PACSIN3: variants seen among roughly 807,000 people sequenced by gnomAD.
The protein encoded by PACSIN3 is protein kinase C and casein kinase substrate in neurons protein 3.
Under a neutral mutation model 56.1 loss-of-function variants are expected in PACSIN3, and 34 were observed. The ratio of observed to expected loss-of-function variants is 0.61; its 90% confidence interval spans 0.46 to 0.81. The LOEUF (loss-of-function observed/expected upper bound fraction) is 0.81, where lower values mean the gene tolerates loss of function less well. Ranked by LOEUF, PACSIN3 falls within the 30% of genes least tolerant of loss-of-function variation. The pLI, the probability that PACSIN3 is intolerant of heterozygous loss-of-function variation, is 0.00. For synonymous variants in PACSIN3, 218 were observed against 229.8 expected, an observed-to-expected ratio of 0.95 and a Z score of 0.46; for missense variants, 535 against 592.4, an observed-to-expected ratio of 0.90 and a Z score of 1.01.
Position 47,178,351 on chromosome 11 carries a change from G to A in PACSIN3, c.1159+15C>T, listed in dbSNP as rs190580930. 38 of 1,612,916 alleles carry A rather than the reference G, an allele frequency of 2.4e-5. No individual in the cohort carries two copies. The East Asian group carries it at 7.6e-4, about 32-fold the overall frequency. On this transcript the variant is annotated intron_variant, in intron 10 of 10. Transcript: ENST00000298838. This position sits in a 1 kb window ranked among gnomAD's most constrained non-coding sequence, Gnocchi z 4.2. ...TAAGGCAGAGGCTGAAGCTAGGAAA[G>A]GGGTCCCAGGGTACCTGCTCGGAAG...
rs867027005 is a variant in PACSIN3, at chr11:47,178,352, G to C, written c.1159+14C>G. 1.9e-6 allele frequency: 3 copies of C among 1,613,078 alleles called. No homozygotes were observed. The Middle Eastern group carries it at 5.0e-4, about 266-fold the overall frequency. On this transcript the variant is annotated intron_variant, in intron 10 of 10. Coordinates refer to ENST00000298838, the MANE Select transcript of PACSIN3 (RefSeq NM_016223.5). This position sits in a 1 kb window ranked among gnomAD's most constrained non-coding sequence, Gnocchi z 4.2. ...AAGGCAGAGGCTGAAGCTAGGAAAG[G>C]GGTCCCAGGGTACCTGCTCGGAAGC...
rs773989787 is a variant in PACSIN3 at position 47,179,733 on chromosome 11, G to A, written c.604-147C>T. On this transcript the variant is annotated intron_variant, in intron 6 of 10. Transcript: ENST00000298838. This position sits in a 1 kb window ranked among gnomAD's most constrained non-coding sequence, Gnocchi z 4.4. Reference sequence around the variant, plus strand: ...CCCAAGACCCAGCTCCTGCCCTCAAGGACCCCAGCAGCCTAACAAGGGAGG... The same window carrying A: ...CCCAAGACCCAGCTCCTGCCCTCAAAGACCCCAGCAGCCTAACAAGGGAGG... The A allele has an allele frequency of 4.4e-5, 30 of 677,888 alleles. No homozygotes were observed. The African/African-American group carries it at 5.4e-4, about 12-fold the overall frequency. 42.0% of individuals were successfully genotyped at this position (677,888 alleles called of 1,614,324 possible).
intron 6 of PACSIN3, 127 bp downstream of exon 6, chr11:47,180,059 G>A: frequency 1.2e-6 from 1 of 827,964 alleles, no homozygotes; most frequent in South Asian, 1.6e-5. Context: ...ATCATCTGGA[G>A]AGAGGGTGGC....
In PACSIN3 at chr11:47,177,985, C is replaced by G; in HGVS notation, c.1221G>C (p.Gln407His). 1 of 1,614,144 alleles carries G rather than the reference C, an allele frequency of 6.2e-7. No homozygotes were observed. Among genetic ancestry groups the G allele is most frequent in the Non-Finnish European group, 8.5e-7 (1 of 1,180,008 alleles). Reference protein sequence around the residue: ...DEQGWCQGQLQSGRIGLYPAN... With the variant: ...DEQGWCQGQLHSGRIGLYPAN... The stretch of plus-strand genomic sequence containing the variant: ...CAGGGTACAGGCCAATGCGGCCACT[C>G]TGCAACTGGCCTTGGCACCAGCCCT... Residue 407 changes from glutamine to histidine, a missense_variant, in exon 11 of 11, where the codon CAG (glutamine) becomes CAC (histidine). Coordinates refer to ENST00000298838, the MANE Select transcript of PACSIN3 (RefSeq NM_016223.5).
At position 47,186,104 on chromosome 11, in the gene PACSIN3, C is replaced by A. The variant is rs892783794; in HGVS notation, c.-104+245G>T. Among the ~76,000 whole-genome samples the A allele has an allele frequency of 1.3e-5, 2 of 152,004 alleles. No homozygotes were observed. The highest frequency in any genetic ancestry group is 2.9e-5 in the Non-Finnish European group (2 of 67,936). ...CGAGGGGCCCCTGAAGACGGCTCAG[C>A]CCTCCAGCGCCGGCGCCGCCTCCCC... On this transcript the variant is annotated intron_variant, in intron 1 of 10. Coordinates refer to ENST00000298838, the MANE Select transcript of PACSIN3 (RefSeq NM_016223.5). The surrounding 1 kb of genome is among the most constrained non-coding windows in gnomAD (Gnocchi z 4.5).
In PACSIN3 at chr11:47,178,245, TG is replaced by T. The variant is rs1442738485; in HGVS notation, c.1159+120del. 10 of 1,400,448 alleles carry T rather than the reference TG, an allele frequency of 7.1e-6. No homozygotes were observed. The highest frequency in any genetic ancestry group is 9.9e-6 in the Non-Finnish European group (10 of 1,013,878). 86.8% of individuals were successfully genotyped at this position (1,400,448 alleles called of 1,614,324 possible). On this transcript the variant is annotated intron_variant, in intron 10 of 10. Transcript: ENST00000298838. This position sits in a 1 kb window ranked among gnomAD's most constrained non-coding sequence, Gnocchi z 4.2. ...CCACCAGGCACCAGCTATCTGGACC[TG>T]GAACAGCTGAAGGGACAGAGGACTG...
Position 47,180,275 on chromosome 11 carries a change from TC to T in PACSIN3, c.513del (p.Ser172AlafsTer123). 1 of 1,603,414 alleles carries T rather than the reference TC, an allele frequency of 6.2e-7. No individual in the cohort carries two copies. The highest frequency in any genetic ancestry group is 8.5e-7 in the Non-Finnish European group (1 of 1,179,958). ...ACGGCGCTGTCTGCCTTTGCGTGGC[TC>T]TCCCTCGTCTGGGCGGTCTTCTCAT... is the stretch of plus-strand genomic sequence containing the variant. ...RKDEKTAQTR[E>X]SHAKADSAVS... On this transcript the variant is annotated frameshift_variant, in exon 6 of 11. Coordinates refer to ENST00000298838, the MANE Select transcript of PACSIN3 (RefSeq NM_016223.5). LOFTEE classifies it high-confidence loss of function.
Position 47,179,056 on chromosome 11 carries a change from G to A in PACSIN3, c.901-26C>T. ...CTGTGGGGACAGTGCTTATAGTCAG[G>A]TGGGGCCATCTGAACCACCTTCACT... is the stretch of plus-strand genomic sequence containing the variant. On this transcript the variant is annotated intron_variant, in intron 8 of 10. Coordinates refer to ENST00000298838, the MANE Select transcript of PACSIN3 (RefSeq NM_016223.5). This position sits in a 1 kb window ranked among gnomAD's most constrained non-coding sequence, Gnocchi z 4.4. 1 of 1,614,100 alleles carries A rather than the reference G, an allele frequency of 6.2e-7. No individual in the cohort carries two copies. Among genetic ancestry groups the A allele is most frequent in the Non-Finnish European group, 8.5e-7 (1 of 1,180,010 alleles).
intron 1 of PACSIN3, chr11:47,185,304 C>A (rs1017674243): frequency 6.6e-6 from 1 of 152,554 alleles, no homozygotes; most frequent in Non-Finnish European, 1.5e-5. Flanking sequence ...CCAGCCCCAA[C>A]CTCTTCCAGA....
At position 47,180,170 on chromosome 11, in the gene PACSIN3, G is replaced by T; in HGVS notation, c.603+16C>A. 1 of 1,599,590 alleles carries T rather than the reference G, an allele frequency of 6.3e-7. No homozygotes were observed. The stretch of plus-strand genomic sequence containing the variant: ...TGCCCTGGGCGGGGGCCAGGGCTGG[G>T]ACCTGTGGCCTGTACCTTCTCGGCC... On this transcript the variant is annotated intron_variant, in intron 6 of 10. Coordinates refer to ENST00000298838, the MANE Select transcript of PACSIN3 (RefSeq NM_016223.5).
At chr11:47,180,112 A>G in intron 6 of PACSIN3, 74 bp downstream of exon 6, 1 of 1,388,634 alleles carries the variant, frequency 7.2e-7, no homozygotes, top group Non-Finnish European at 1.0e-6. Flanking sequence ...ACTGGACAAG[A>G]TGTTCAGGGA....
At chr11:47,180,747 C>A in intron 4 of PACSIN3, 57 bp from the exon 5 acceptor site, 4 of 1,420,496 alleles carry the variant, frequency 2.8e-6, no homozygotes, top group South Asian at 1.3e-5. Context: ...ATGAGCCTAG[C>A]CCCTCTCACT....
Position 47,180,530 on chromosome 11 carries a change from G to A in PACSIN3, c.372C>T (p.Gly124=), listed in dbSNP as rs766934414. 2.4e-5 allele frequency: 39 copies of A among 1,603,976 alleles called. No individual in the cohort carries two copies. Among genetic ancestry groups the A allele is most frequent in the Admixed American group, 1.3e-4 (8 of 59,974 alleles). ...QRGAFHRPVL[G]GFRESRAAED... is the part of the protein sequence containing the mutation. The stretch of plus-strand genomic sequence containing the variant: ...CGGCCGCCCGGCTCTCGCGGAAGCC[G>A]CCCAGCACAGGCCGGTGGAAAGCCC... Residue 124 remains glycine (G), a synonymous_variant, in exon 5 of 11, where the codon GGC becomes GGT. Coordinates refer to ENST00000298838, the MANE Select transcript of PACSIN3 (RefSeq NM_016223.5).
In PACSIN3 at chr11:47,178,387, C is replaced by G; in HGVS notation, c.1138G>C (p.Asp380His). 6.2e-7 allele frequency: 1 copy of G among 1,614,070 alleles called. No individual in the cohort carries two copies. Among genetic ancestry groups the G allele is most frequent in the Non-Finnish European group, 8.5e-7 (1 of 1,180,018 alleles). ...ALYDYAGQEADELSFRAGEEL... is the reference protein window; with the variant it reads ...ALYDYAGQEAHELSFRAGEEL... ...GTACCTGCTCGGAAGCTCAGCTCAT[C>G]AGCTTCCTGGCCAGCGTAGTCATAG... Residue 380 changes from aspartate to histidine, a missense_variant, in exon 10 of 11, where the codon GAT becomes CAT. By Grantham distance (81) the Asp-to-His change is moderately conservative (BLOSUM62 -1). Transcript: ENST00000298838. This position sits in a 1 kb window ranked among gnomAD's most constrained non-coding sequence, Gnocchi z 4.2.
At chr11:47,184,240 G>C (rs962451469) in intron 1 of PACSIN3, 3 of 152,422 alleles carry the variant, frequency 2.0e-5, no homozygotes, top group Non-Finnish European at 2.9e-5. Flanking sequence ...CAGGAGGACA[G>C]TGTGCGCCCT....
In PACSIN3 at chr11:47,179,055, G is replaced by A; in HGVS notation, c.901-25C>T. 1 of 1,614,122 alleles carries A rather than the reference G, an allele frequency of 6.2e-7. No homozygotes were observed. The highest frequency in any genetic ancestry group is 8.5e-7 in the Non-Finnish European group (1 of 1,180,020). ...CCTGTGGGGACAGTGCTTATAGTCA[G>A]GTGGGGCCATCTGAACCACCTTCAC... On this transcript the variant is annotated intron_variant, in intron 8 of 10. Transcript: ENST00000298838. The surrounding 1 kb of genome is among the most constrained non-coding windows in gnomAD (Gnocchi z 4.4).
At chr11:47,181,241 G>A (rs1953018864) in intron 4 of PACSIN3, among the ~76,000 whole-genome samples, 1 of 149,660 alleles carries the variant, frequency 6.7e-6, no homozygotes, top group African/African-American at 2.6e-5. Context: ...CAGCCTAGGT[G>A]ACAGAGCGAG....
Position 47,180,443 on chromosome 11 carries a change from AC to A in PACSIN3, c.447+11del. ...GGAGCCTGTCTCGGATACCTCCCCCACCCAGCCTCACCTCCTTCAGCCTCTT... is the reference window on the plus strand; with the variant it reads ...GGAGCCTGTCTCGGATACCTCCCCCACCAGCCTCACCTCCTTCAGCCTCTT... On this transcript the variant is annotated intron_variant, in intron 5 of 10. Transcript: ENST00000298838. 6.3e-7 allele frequency: 1 copy of A among 1,592,314 alleles called. No homozygotes were observed.
chr11:47,178,804 C>T lies in PACSIN3; in HGVS notation c.1037+90G>A. 11 of 1,471,410 alleles carry T rather than the reference C, an allele frequency of 7.5e-6. No homozygotes were observed. Among genetic ancestry groups the T allele is most frequent in the Non-Finnish European group, 1.0e-5 (11 of 1,074,632 alleles). The allele number at this position is 1,471,410 out of a possible 1,614,324, so 91.1% of individuals were successfully genotyped here. A position where few individuals can be genotyped will look rare whatever the true frequency, so the allele number is the denominator to read the frequency against. On this transcript the variant is annotated intron_variant, in intron 9 of 10. Coordinates refer to ENST00000298838, the MANE Select transcript of PACSIN3 (RefSeq NM_016223.5). The surrounding 1 kb of genome is among the most constrained non-coding windows in gnomAD (Gnocchi z 4.2). ...CCTGGCACCAATTTTCAACCCATTT[C>T]AGGTGTGAAAGAAATGAAACCAAGG... is the stretch of plus-strand genomic sequence containing the variant.
Sources: gnomAD v4.1 joint callset for allele counts (sites outside exome capture counted in the v4.1 genomes callset) on GRCh38, gnomAD v4.1.1 for gene constraint, Gnocchi (gnomAD v3.1) non-coding constraint, MANE v1.5 for transcripts, NCBI Gene and HGNC (gene_info 2026-07-23, HGNC 2026-07-21) for gene names.